Variants in POLR3B observed in about 807,000 individuals in gnomAD.
The protein encoded by POLR3B is DNA-directed RNA polymerase III subunit RPC2.
In POLR3B, 96 loss-of-function variants were observed where a neutral mutation model predicts 147.4. The ratio of observed to expected loss-of-function variants is 0.65; its 90% confidence interval spans 0.55 to 0.77. The LOEUF (loss-of-function observed/expected upper bound fraction) is 0.77. Among genes scored for constraint, POLR3B ranks in the 30% least tolerant of loss-of-function variants. The probability of loss-of-function intolerance (pLI) is 0.00; values close to 1 mark genes in which losing one functional copy is unlikely to be tolerated. For missense variants in POLR3B, 1,036 were observed against 1,413.5 expected (o/e 0.73, Z 4.28); for synonymous variants, 461 against 485.9 (o/e 0.95, Z 0.67).
At chr12:106,502,113 A>G (rs1449355522) in intron 26 of POLR3B, among the ~76,000 whole-genome samples, 1 of 152,172 alleles carries the variant, frequency 6.6e-6, no homozygotes, top group Admixed American at 6.5e-5. Context: ...TTTGCCTCCC[A>G]GGGGACATTT....
At chr12:106,505,046 CA>C (rs2038664245) in intron 27 of POLR3B, among the ~76,000 whole-genome samples, 2 of 152,134 alleles carry the variant, frequency 1.3e-5, no homozygotes, top group Admixed American at 1.3e-4. Flanking sequence ...GTAGGATTGC[CA>C]ATAAGTAAAT....
chr12:106,372,548 C>T (rs1235380386), intron 6 of POLR3B, among the ~76,000 whole-genome samples: 1 of 151,946 alleles, frequency 6.6e-6, no homozygotes, highest in East Asian at 1.9e-4. Flanking sequence ...ACCACGTTGG[C>T]CAGGCTGGTC....
intron 15 of POLR3B, among the ~76,000 whole-genome samples, chr12:106,433,257 C>T (rs1480560515): frequency 1.3e-5 from 2 of 152,204 alleles, no homozygotes; most frequent in East Asian, 3.8e-4. Context: ...TCTTTGAATC[C>T]TCCCGCTAAC....
At chr12:106,409,273 A>AT (rs1233565391) in intron 11 of POLR3B, among the ~76,000 whole-genome samples, 1 of 150,526 alleles carries the variant, frequency 6.6e-6, no homozygotes, top group African/African-American at 2.5e-5. Context: ...GAAAATGTAA[A>AT]TTACTTATAG....
Position 106,443,119 on chromosome 12 carries a change from A to AT in POLR3B, c.1956-1341dup, listed in dbSNP as rs2037675052. 2.0e-5 allele frequency among the ~76,000 whole-genome samples: 3 copies of AT among 152,220 alleles called. 1 individual carries two copies. The South Asian group carries it at 6.2e-4, about 31-fold the overall frequency. On this transcript the variant is annotated intron_variant, in intron 18 of 27. Transcript: ENST00000228347. ...TAAAATTATTTTGAATAATAGTTTT[A>AT]TTTGTCAACATATCCAAAATATTAT...
At position 106,389,601 on chromosome 12, in the gene POLR3B, G is replaced by A. The variant is rs1470220529; in HGVS notation, c.724-3430G>A. Among the ~76,000 whole-genome samples the A allele has an allele frequency of 2.0e-5, 3 of 147,926 alleles. No homozygotes were observed. The South Asian group carries it at 6.5e-4, about 32-fold the overall frequency. On this transcript the variant is annotated intron_variant, in intron 9 of 27. Coordinates refer to ENST00000228347, the MANE Select transcript of POLR3B (RefSeq NM_018082.6). ...GGACCAGCAGTGTTTAGGATTTCAG[G>A]TTTTTTTTTTTTAATTTTGGAATAT... is the stretch of plus-strand genomic sequence containing the variant.
chr12:106,447,588 G>C (rs1450923203), intron 19 of POLR3B, among the ~76,000 whole-genome samples: 1 of 152,156 alleles, frequency 6.6e-6, no homozygotes, highest in Non-Finnish European at 1.5e-5. Flanking sequence ...TACCAGGAAG[G>C]GCTGTGTGTT....
chr12:106,427,249 A>G lies in POLR3B; in HGVS notation c.1154A>G (p.Lys385Arg). Residue 385 changes from lysine (K) to arginine (R), a missense_variant, in exon 13 of 28, where the codon AAA becomes AGA. Around this residue, in one of 12 missense-constraint regions of POLR3B, gnomAD observed 89 missense variants for 110.9 expected, o/e 0.80. Transcript: ENST00000228347. ...TTCAAAAAATTTAATTCTGAAATGA[A>G]AAAGATTGCCGACCAGGTGATTCCT... ...DLFKKFNSEM[K>R]KIADQVIPKQ... The G allele has an allele frequency of 6.2e-7, 1 of 1,610,528 alleles. No individual in the cohort carries two copies. The highest frequency in any genetic ancestry group is 8.5e-7 in the Non-Finnish European group (1 of 1,177,514).
At chr12:106,445,829 A>G (rs2037715723) in intron 19 of POLR3B, among the ~76,000 whole-genome samples, 2 of 152,206 alleles carry the variant, frequency 1.3e-5, no homozygotes, top group Non-Finnish European at 2.9e-5. Flanking sequence ...CTCCATTACC[A>G]ACAACCAGCT....
chr12:106,429,982 T>C (rs1254356938), intron 13 of POLR3B, among the ~76,000 whole-genome samples: 1 of 152,214 alleles, frequency 6.6e-6, no homozygotes, highest in East Asian at 1.9e-4. Context: ...GGCTCTTCAT[T>C]ATAGAATTAG....
intron 12 of POLR3B, among the ~76,000 whole-genome samples, chr12:106,417,182 C>T (rs551603417): frequency 3.6e-4 from 55 of 152,216 alleles, no homozygotes; most frequent in Middle Eastern, 3.4e-3. Flanking sequence ...ATGTGCAGGC[C>T]GATATTTGAA....
chr12:106,493,607 CAT>C (rs2038434878), intron 23 of POLR3B, among the ~76,000 whole-genome samples: 1 of 152,242 alleles, frequency 6.6e-6, no homozygotes, highest in Non-Finnish European at 1.5e-5. Flanking sequence ...TGACTGGTCT[CAT>C]AAGCACAGTC....
chr12:106,498,345 C>T (rs990254636), intron 25 of POLR3B, among the ~76,000 whole-genome samples: 7 of 152,160 alleles, frequency 4.6e-5, no homozygotes, highest in African/African-American at 7.2e-5. Context: ...AAGAGCCAGG[C>T]GACCAGGCTT....
chr12:106,509,362 G>T (rs1204533446), intron 27 of POLR3B, 58 bp from the exon 28 acceptor site: 4 of 1,592,280 alleles, frequency 2.5e-6, no homozygotes, highest in Non-Finnish European at 3.4e-6. Context: ...CACTTCCTAC[G>T]TGGAGGCCTT....
At position 106,442,097 on chromosome 12, in the gene POLR3B, G is replaced by GA. The variant is rs1565897820; in HGVS notation, c.1956-2363dup. On this transcript the variant is annotated intron_variant, in intron 18 of 27. Coordinates refer to ENST00000228347, the MANE Select transcript of POLR3B (RefSeq NM_018082.6). The stretch of plus-strand genomic sequence containing the variant: ...ATCCGCCTCAAAAAAAAAAAAGAAA[G>GA]AAAGAAAGAAAGAAATCTCCCAATT... Among the ~76,000 whole-genome samples the GA allele has an allele frequency of 2.6e-3, 214 of 81,974 alleles. 3 individuals carry two copies. The highest frequency in any genetic ancestry group is 0.018 in the African/African-American group (201 of 11,376). 53.8% of individuals were successfully genotyped at this position (81,974 alleles called of 152,430 possible). A position where few individuals can be genotyped will look rare whatever the true frequency, so the allele number is the denominator to read the frequency against.
chr12:106,478,952 C>T (rs777702088), intron 23 of POLR3B, among the ~76,000 whole-genome samples: 3 of 152,136 alleles, frequency 2.0e-5, no homozygotes, highest in African/African-American at 4.8e-5. Flanking sequence ...TCTTCTTCCT[C>T]GTGTTTTTGT....
At chr12:106,430,217 A>G in intron 13 of POLR3B, 56 bp from the exon 14 acceptor site, 1 of 1,357,278 alleles carries the variant, frequency 7.4e-7, no homozygotes, top group Non-Finnish European at 1.1e-6. Flanking sequence ...ACCGCACGGT[A>G]TCAGACAACA....
intron 9 of POLR3B, among the ~76,000 whole-genome samples, chr12:106,391,137 A>G (rs755174821): frequency 6.6e-6 from 1 of 152,212 alleles, no homozygotes; most frequent in African/African-American, 2.4e-5. Context: ...TACTTCCAGG[A>G]TAACTCACCC....
chr12:106,360,418 C>T (rs992372834), intron 1 of POLR3B, among the ~76,000 whole-genome samples: 4 of 152,192 alleles, frequency 2.6e-5, no homozygotes, highest in African/African-American at 9.7e-5. Flanking sequence ...CTGGATCGCT[C>T]TCCCCTTCCT....
Sources: gnomAD v4.1 joint callset for allele counts (sites outside exome capture counted in the v4.1 genomes callset) on GRCh38, gnomAD v4.1.1 for gene constraint, gnomAD v4.1.1 regional missense constraint, MANE v1.5 for transcripts, NCBI Gene and HGNC (gene_info 2026-07-23, HGNC 2026-07-21) for gene names.